Variants in NHSL2 observed in about 807,000 individuals in gnomAD.
The protein encoded by NHSL2 is NHS-like protein 2.
A neutral mutation model predicts 53.4 loss-of-function variants in NHSL2; 27 were observed. The ratio of observed to expected loss-of-function variants is 0.51; its 90% CI spans 0.37 to 0.70. The LOEUF (loss-of-function observed/expected upper bound fraction) is 0.70, where lower values mean the gene tolerates loss of function less well. Ranked by LOEUF, NHSL2 falls within the 30% of genes least tolerant of loss-of-function variation. The probability of loss-of-function intolerance (pLI) is 0.00; values close to 1 mark genes in which losing one functional copy is unlikely to be tolerated. For missense variants in NHSL2, 892 were observed against 980.1 expected (o/e 0.91, Z 1.20); for synonymous variants, 408 against 404.1 (o/e 1.01, Z -0.12).
chrX:72,010,872 C>G (rs2042112720), intron 1 of NHSL2, among the ~76,000 whole-genome samples: 1 of 111,850 alleles, frequency 8.9e-6, no homozygotes, highest in Non-Finnish European at 1.9e-5. Context: ...CAGAATATTT[C>G]CATCACCACA....
At chrX:72,114,236 T>C (rs988899387) in intron 1 of NHSL2, among the ~76,000 whole-genome samples, 1 of 112,166 alleles carries the variant, frequency 8.9e-6, no homozygotes, top group African/African-American at 3.2e-5. Flanking sequence ...TTCGCTTTTG[T>C]AATAAGAACA....
chrX:72,020,880 G>T (rs2042156831), intron 1 of NHSL2, among the ~76,000 whole-genome samples: 2 of 112,859 alleles, frequency 1.8e-5, no homozygotes, highest in South Asian at 7.2e-4. Context: ...GTCTGGAGAA[G>T]AACCTGAAAT....
intron 1 of NHSL2, among the ~76,000 whole-genome samples, chrX:72,042,711 G>A (rs1359038928): frequency 9.5e-6 from 1 of 104,901 alleles, no homozygotes; most frequent in Non-Finnish European, 2.0e-5. Flanking sequence ...CTTGGGAAGA[G>A]GCTGAAAAGC....
chrX:72,005,549 A>T (rs2042090818), intron 1 of NHSL2, among the ~76,000 whole-genome samples: 1 of 112,030 alleles, frequency 8.9e-6, no homozygotes, highest in Non-Finnish European at 1.9e-5. Context: ...AGACATTTCC[A>T]AATACTTCCA....
intron 1 of NHSL2, among the ~76,000 whole-genome samples, chrX:72,105,763 GT>G (rs1353515654): frequency 1.8e-5 from 2 of 111,924 alleles, no homozygotes; most frequent in East Asian, 5.6e-4. Flanking sequence ...GTGAAAGAAG[GT>G]TGGGCTTCAT....
chrX:71,996,094 T>G (rs1305207068), intron 1 of NHSL2, among the ~76,000 whole-genome samples: 1 of 112,336 alleles, frequency 8.9e-6, no homozygotes, highest in Non-Finnish European at 1.9e-5. Flanking sequence ...TGTCCTCAAT[T>G]TGTCCATTTA....
At chrX:71,919,727 C>T (rs1011093477) in intron 1 of NHSL2, among the ~76,000 whole-genome samples, 1 of 111,448 alleles carries the variant, frequency 9.0e-6, no homozygotes, top group Admixed American at 9.5e-5. Flanking sequence ...GAAGCTGAGG[C>T]ACCACCAAGA....
intron 1 of NHSL2, among the ~76,000 whole-genome samples, chrX:71,995,792 A>G (rs770013209): frequency 8.9e-5 from 10 of 112,136 alleles, no homozygotes; most frequent in Admixed American, 6.6e-4. Context: ...TTCATTGTCT[A>G]TCTCTCCCCA....
At chrX:71,993,781 G>A (rs774644322) in intron 1 of NHSL2, among the ~76,000 whole-genome samples, 1 of 111,002 alleles carries the variant, frequency 9.0e-6, no homozygotes, top group South Asian at 3.9e-4. Context: ...GGTGAGAGTC[G>A]GCCAAGTGTA....
chrX:72,075,808 T>G, intron 1 of NHSL2, among the ~76,000 whole-genome samples: 1 of 110,600 alleles, frequency 9.0e-6, no homozygotes, highest in Middle Eastern at 4.6e-3. Context: ...TTGCTCAAGA[T>G]GATCAGGGTA....
intron 1 of NHSL2, among the ~76,000 whole-genome samples, chrX:71,942,713 A>G (rs751042378): frequency 5.3e-5 from 6 of 112,287 alleles, no homozygotes; most frequent in Non-Finnish European, 1.1e-4. Flanking sequence ...ACATGTAGCA[A>G]AAGTCATGAA....
intron 1 of NHSL2, among the ~76,000 whole-genome samples, chrX:72,096,775 T>C (rs1188518871): frequency 1.8e-5 from 2 of 111,666 alleles, no homozygotes; most frequent in African/African-American, 6.5e-5. Flanking sequence ...CTATATATTA[T>C]CATTTGGGTT....
Position 72,070,175 on chromosome X carries a change from A to G in NHSL2, c.281-61904A>G, listed in dbSNP as rs1304194587. Among the ~76,000 whole-genome samples, 9 of 36,478 alleles carry G rather than the reference A, an allele frequency of 2.5e-4. No individual in the cohort carries two copies. In the East Asian group the frequency reaches 6.5e-3, roughly 26 times the overall value. 31.7% of individuals were successfully genotyped at this position (36,478 alleles called of 115,157 possible). A position where few individuals can be genotyped will look rare whatever the true frequency, so the allele number is the denominator to read the frequency against. On this transcript the variant is annotated intron_variant, in intron 1 of 7. Transcript: ENST00000633930. ...TTCGTCTCCCCCCACCCCAGCCCCC[A>G]TACCCGCCCTGAACATGTACACCTA...
At chrX:71,962,989 T>C (rs990502279) in intron 1 of NHSL2, among the ~76,000 whole-genome samples, 1 of 110,495 alleles carries the variant, frequency 9.1e-6, no homozygotes. Flanking sequence ...TTTTTTTCCT[T>C]GGTCAGTCTA....
chrX:71,922,945 T>C lies in NHSL2; in HGVS notation c.280+11578T>C, dbSNP rs371365373. On this transcript the variant is annotated intron_variant, in intron 1 of 7. Coordinates refer to ENST00000633930, the MANE Select transcript of NHSL2 (RefSeq NM_001013627.3). ...CGAAATAGCCCAATGAAATCTTTTTTCCCATAATTCTGAGTTAATGAAAAT... is the reference window on the plus strand; with the variant it reads ...CGAAATAGCCCAATGAAATCTTTTTCCCCATAATTCTGAGTTAATGAAAAT... Among the ~76,000 whole-genome samples the C allele has an allele frequency of 1.2e-4, 13 of 112,319 alleles. No homozygotes were observed. In the East Asian group the frequency reaches 3.1e-3, roughly 26 times the overall value.
At chrX:71,989,481 A>G (rs2042018148) in intron 1 of NHSL2, among the ~76,000 whole-genome samples, 1 of 111,572 alleles carries the variant, frequency 9.0e-6, no homozygotes, top group African/African-American at 3.3e-5. Context: ...GGGAAATATC[A>G]TAATTGCAAT....
chrX:72,069,855 G>A, intron 1 of NHSL2: 1 of 347,830 alleles, frequency 2.9e-6, no homozygotes, highest in Non-Finnish European at 4.6e-6. Context: ...TGCAGGGGCT[G>A]GCAGGGGGCA....
At chrX:72,061,218 G>T (rs1397171387) in intron 1 of NHSL2, among the ~76,000 whole-genome samples, 1 of 111,972 alleles carries the variant, frequency 8.9e-6, no homozygotes, top group Non-Finnish European at 1.9e-5. Flanking sequence ...AATGCCCAAT[G>T]TTTTTCAGGA....
chrX:72,109,873 C>G, intron 1 of NHSL2, among the ~76,000 whole-genome samples: 1 of 111,856 alleles, frequency 8.9e-6, no homozygotes, highest in Non-Finnish European at 1.9e-5. Flanking sequence ...TTCTGGTGGC[C>G]TCTCAGCTGG....
Sources: gnomAD v4.1 joint callset for allele counts (sites outside exome capture counted in the v4.1 genomes callset) on GRCh38, gnomAD v4.1.1 for gene constraint, MANE v1.5 for transcripts, NCBI Gene and HGNC (gene_info 2026-07-23, HGNC 2026-07-21) for gene names.